KGD4: variants seen among roughly 807,000 people sequenced by gnomAD.
The protein encoded by KGD4 is alpha-ketoglutarate dehydrogenase subunit 4, also known as alpha-ketoglutarate dehydrogenase component 4.
the KGD4 span, among the ~76,000 whole-genome samples, chr5:69,224,989 G>A: frequency 1.3e-5 from 2 of 150,914 alleles, no homozygotes; most frequent in South Asian, 2.1e-4. Flanking sequence ...CAGGAGAATC[G>A]CTTGAACACA....
the KGD4 span, chr5:69,217,972 GAC>G: frequency 6.3e-7 from 1 of 1,591,412 alleles, no homozygotes; most frequent in Middle Eastern, 1.7e-4. Flanking sequence ...GCAGAGCGGT[GAC>G]CGCGCCTCTG....
chr5:69,226,119 C>A, the KGD4 span, among the ~76,000 whole-genome samples: 1,159 of 152,226 alleles, frequency 7.6e-3, 12 homozygotes, highest in African/African-American at 0.027. Context: ...AGTACACCTT[C>A]GATAGTACAA....
At chr5:69,221,931 C>G in the KGD4 span, among the ~76,000 whole-genome samples, 1 of 62,880 alleles carries the variant, frequency 1.6e-5, no homozygotes. Flanking sequence ...CTTTGGGAGA[C>G]CAAGGCGGGC....
At chr5:69,218,458 GTGTGTA>G in the KGD4 span, among the ~76,000 whole-genome samples, 8 of 130,926 alleles carry the variant, frequency 6.1e-5, no homozygotes, top group African/African-American at 2.3e-4. Flanking sequence ...TAGTATGTGT[GTGTGTA>G]TATTAATGTG....
the KGD4 span, chr5:69,228,241 T>A: frequency 6.2e-7 from 1 of 1,605,230 alleles, no homozygotes; most frequent in South Asian, 1.1e-5. Flanking sequence ...ATCTCACTCT[T>A]CTGTAATTTC....
the KGD4 span, among the ~76,000 whole-genome samples, chr5:69,221,873 T>C: frequency 1.3e-5 from 2 of 150,580 alleles, no homozygotes; most frequent in African/African-American, 4.9e-5. Flanking sequence ...AAGACTATTA[T>C]AGAAAACATA....
the KGD4 span, among the ~76,000 whole-genome samples, chr5:69,226,029 C>A: frequency 1.3e-5 from 2 of 152,234 alleles, no homozygotes; most frequent in Non-Finnish European, 2.9e-5. Flanking sequence ...CTGCACCCAG[C>A]CAGCTTTCAT....
At chr5:69,229,113 T>A in the KGD4 span, 1 of 1,033,300 alleles carries the variant, frequency 9.7e-7, no homozygotes, top group Non-Finnish European at 1.5e-6. Context: ...CAAAGATTAC[T>A]TACTGAAGAT....
the KGD4 span, among the ~76,000 whole-genome samples, chr5:69,223,270 G>A: frequency 6.7e-6 from 1 of 149,464 alleles, no homozygotes; most frequent in South Asian, 2.1e-4. Context: ...TAGTAGAGAC[G>A]GGGTTTCTCC....
At chr5:69,229,021 CAAAAAAAAAAAA>C in the KGD4 span, among the ~76,000 whole-genome samples, 8 of 50,488 alleles carry the variant, frequency 1.6e-4, no homozygotes, top group East Asian at 2.0e-3. Flanking sequence ...AACTCCATCT[CAAAAAAAAAAAA>C]AAAAAAAAAA....
the KGD4 span, chr5:69,228,536 TGAGAAA>T: frequency 1.4e-6 from 1 of 707,856 alleles, no homozygotes; most frequent in Non-Finnish European, 2.4e-6. Flanking sequence ...GCCAAGACTA[TGAGAAA>T]GAAACCATAG....
the KGD4 span, among the ~76,000 whole-genome samples, chr5:69,220,571 G>A: frequency 2.0e-5 from 3 of 150,822 alleles, no homozygotes; most frequent in Admixed American, 6.6e-5. Flanking sequence ...TGTGAGGAGC[G>A]CCTCTGCCCG....
At chr5:69,228,454 T>C in the KGD4 span, 20 of 1,450,608 alleles carry the variant, frequency 1.4e-5, no homozygotes, top group Admixed American at 2.3e-5. Flanking sequence ...GGGGATTTCA[T>C]TTGCTGATTT....
At chr5:69,228,734 G>A in the KGD4 span, among the ~76,000 whole-genome samples, 8 of 152,202 alleles carry the variant, frequency 5.3e-5, no homozygotes, top group Admixed American at 1.3e-4. Flanking sequence ...TGATAAGAGG[G>A]CTGGGCATGG....
the KGD4 span, among the ~76,000 whole-genome samples, chr5:69,227,206 G>C: frequency 4.6e-5 from 7 of 152,150 alleles, no homozygotes; most frequent in African/African-American, 1.7e-4. Context: ...TGACTCAACA[G>C]AAGATGTCTC....
At chr5:69,220,000 CAGG>C in the KGD4 span, among the ~76,000 whole-genome samples, 7 of 152,172 alleles carry the variant, frequency 4.6e-5, no homozygotes, top group Non-Finnish European at 4.4e-5. Flanking sequence ...TAGTTTGAGG[CAGG>C]AGGATGGCTT....
At chr5:69,218,523 AT>A in the KGD4 span, among the ~76,000 whole-genome samples, 6 of 148,878 alleles carry the variant, frequency 4.0e-5, no homozygotes, top group Non-Finnish European at 8.9e-5. Context: ...TCACAAGCCT[AT>A]TTTCCCCTGG....
the KGD4 span, among the ~76,000 whole-genome samples, chr5:69,223,934 G>A: frequency 6.6e-6 from 1 of 151,688 alleles, no homozygotes; most frequent in Non-Finnish European, 1.5e-5. Flanking sequence ...TTGGGAGGCG[G>A]AGGCAGGAGA....
At chr5:69,218,002 C>A in the KGD4 span, 1 of 1,451,624 alleles carries the variant, frequency 6.9e-7, no homozygotes, top group Non-Finnish European at 9.5e-7. Flanking sequence ...CCAGTGACGG[C>A]GCCCGCGGGT....
Sources: allele counts gnomAD v4.1 joint callset (sites outside exome capture counted in the v4.1 genomes callset), GRCh38; gene constraint gnomAD v4.1.1; transcripts MANE v1.5; gene names NCBI Gene and HGNC (gene_info 2026-07-23, HGNC 2026-07-21).